Variants in CLMN observed in about 807,000 individuals in gnomAD.
The protein encoded by CLMN is calmin (calponin-like, transmembrane).
In CLMN, 57 loss-of-function variants were observed where a neutral mutation model predicts 92.7. The ratio of observed to expected loss-of-function variants is 0.61; its 90% CI spans 0.50 to 0.77. CLMN has a LOEUF of 0.77. Among genes scored for constraint, CLMN ranks in the 30% least tolerant of loss-of-function variants. The probability of loss-of-function intolerance (pLI) is 0.00; values close to 1 mark genes in which losing one functional copy is unlikely to be tolerated. For missense variants in CLMN, 1,158 were observed against 1,237.5 expected (o/e 0.94, Z 0.96); for synonymous variants, 466 against 470.6 (o/e 0.99, Z 0.13).
chr14:95,245,462 TGATGGATGGACGGATG>T (rs1273122513), intron 1 of CLMN, among the ~76,000 whole-genome samples: 67 of 149,266 alleles, frequency 4.5e-4, no homozygotes, highest in Middle Eastern at 3.5e-3. Context: ...TACAGATGCG[TGATGGATGGACGGATG>T]GATGGATGGA....
intron 7 of CLMN, 90 bp from the exon 8 acceptor site, chr14:95,209,567 A>G: frequency 1.0e-6 from 1 of 1,000,234 alleles, no homozygotes; most frequent in Non-Finnish European, 1.6e-6. Context: ...AGAATCCCAC[A>G]GATTATTGAA....
At chr14:95,263,641 TA>T (rs1370736302) in intron 1 of CLMN, among the ~76,000 whole-genome samples, 32 of 152,158 alleles carry the variant, frequency 2.1e-4, no homozygotes, top group Non-Finnish European at 4.4e-4. Context: ...ACAGGTAGCA[TA>T]ACTGGATGTT....
intron 1 of CLMN, among the ~76,000 whole-genome samples, chr14:95,315,819 A>G (rs1339169703): frequency 6.6e-6 from 1 of 152,252 alleles, no homozygotes. Context: ...CTGGGTGCCC[A>G]TGACAGTTTC....
At chr14:95,286,641 G>T (rs1900354057) in intron 1 of CLMN, among the ~76,000 whole-genome samples, 1 of 152,136 alleles carries the variant, frequency 6.6e-6, no homozygotes, top group Non-Finnish European at 1.5e-5. Flanking sequence ...TTTCGGCTCA[G>T]TTACAAAATG....
chr14:95,238,928 C>T (rs1898150803), intron 1 of CLMN, among the ~76,000 whole-genome samples: 1 of 152,142 alleles, frequency 6.6e-6, no homozygotes, highest in Admixed American at 6.5e-5. Flanking sequence ...AATTACACAC[C>T]AAATTAAGTT....
At position 95,191,968 on chromosome 14, in the gene CLMN, G is replaced by A; in HGVS notation, c.2841-236C>T. 7 of 391,394 alleles carry A rather than the reference G, an allele frequency of 1.8e-5. No homozygotes were observed. The highest frequency in any genetic ancestry group is 3.2e-5 in the Non-Finnish European group (7 of 218,904). The allele number at this position is 391,394 out of a possible 1,614,324, so 24.2% of individuals were successfully genotyped here. On this transcript the variant is annotated intron_variant, in intron 12 of 12. Coordinates refer to ENST00000298912, the MANE Select transcript of CLMN (RefSeq NM_024734.4). The surrounding 1 kb of genome is among the most constrained non-coding windows in gnomAD (Gnocchi z 5.3). ...TACTCCGTTCATCTCCATAACATCA[G>A]GTGAGAGGAGGTGGCAGCCCCATTC...
intron 1 of CLMN, among the ~76,000 whole-genome samples, chr14:95,270,887 G>A (rs1318022932): frequency 6.6e-6 from 1 of 152,100 alleles, no homozygotes; most frequent in Non-Finnish European, 1.5e-5. Flanking sequence ...TTTGAGAAAC[G>A]GACAGACTGT....
At chr14:95,305,794 G>A (rs1057160191) in intron 1 of CLMN, among the ~76,000 whole-genome samples, 6 of 152,180 alleles carry the variant, frequency 3.9e-5, no homozygotes, top group Non-Finnish European at 8.8e-5. Flanking sequence ...TGAGCATCCA[G>A]ACAGCATGAA....
At position 95,213,403 on chromosome 14, in the gene CLMN, C is replaced by T; in HGVS notation, c.424G>A (p.Glu142Lys). 6.3e-7 allele frequency: 1 copy of T among 1,599,562 alleles called. No homozygotes were observed. The highest frequency in any genetic ancestry group is 8.5e-7 in the Non-Finnish European group (1 of 1,174,494). The change falls in exon 6 of 13, where the codon GAG (glutamate) becomes AAG (lysine). Residue 142 changes from glutamate (E) to lysine (K), a missense_variant. Glu to Lys is a moderately conservative substitution (Grantham distance 56). Transcript: ENST00000298912. ...TTTCTGCTGAGGTTGCCTGTGAGCT[C>T]CTTAATCTGGAAGGAAAATGGCATT... Reference protein sequence around the residue: ...WNIILFFQIKELTGNLSRNSP... With the variant: ...WNIILFFQIKKLTGNLSRNSP...
At chr14:95,279,890 G>T (rs1283968804) in intron 1 of CLMN, among the ~76,000 whole-genome samples, 1 of 151,724 alleles carries the variant, frequency 6.6e-6, no homozygotes, top group African/African-American at 2.4e-5. Context: ...GACGACTAAA[G>T]AAACAGTTTT....
rs539400566 is a variant in CLMN at position 95,268,858 on chromosome 14, C to T, written c.83-38725G>A. Among the ~76,000 whole-genome samples, 22 of 131,704 alleles carry T rather than the reference C, an allele frequency of 1.7e-4. No homozygotes were observed. The East Asian group carries it at 1.8e-3, about 11-fold the overall frequency. The allele number at this position is 131,704 out of a possible 152,430, so 86.4% of individuals were successfully genotyped here. A position where few individuals can be genotyped will look rare whatever the true frequency, so the allele number is the denominator to read the frequency against. ...TCACTCTGTCGCCCAGGCTGGAGTGCAGTGGCACAATCTTGGCTCACTGCA... is the reference window on the plus strand; with the variant it reads ...TCACTCTGTCGCCCAGGCTGGAGTGTAGTGGCACAATCTTGGCTCACTGCA... On this transcript the variant is annotated intron_variant, in intron 1 of 12. Transcript: ENST00000298912.
intron 1 of CLMN, among the ~76,000 whole-genome samples, chr14:95,278,739 T>C (rs1476725929): frequency 6.6e-6 from 1 of 152,172 alleles, no homozygotes; most frequent in East Asian, 1.9e-4. Context: ...GATACTCTCT[T>C]TGCATATTTG....
chr14:95,295,244 G>A (rs973747700), intron 1 of CLMN, among the ~76,000 whole-genome samples: 2 of 152,348 alleles, frequency 1.3e-5, no homozygotes, highest in East Asian at 1.9e-4. Context: ...CACACAAGCT[G>A]GTTAGTTCAG....
chr14:95,207,261 A>G lies in CLMN; in HGVS notation c.885+2134T>C, dbSNP rs140845313. Among the ~76,000 whole-genome samples the G allele has an allele frequency of 2.0e-5, 3 of 152,328 alleles. No homozygotes were observed. In the East Asian group the frequency reaches 5.8e-4, roughly 29 times the overall value. ...AAAATCTTCTCTTTTAGACATTTTG[A>G]AATACACAGTATATTATTCTTTCTT... On this transcript the variant is annotated intron_variant, in intron 8 of 12. Transcript: ENST00000298912.
In CLMN at chr14:95,198,582, G is replaced by A. The variant is rs115653984; in HGVS notation, c.2512-1888C>T. ...TGCTGGGCAGGTGAGGCAGCGGACC[G>A]GAGCCAAGTGAGGCAGACGGTGTTG... On this transcript the variant is annotated intron_variant, in intron 9 of 12. Transcript: ENST00000298912. Among the ~76,000 whole-genome samples the A allele has an allele frequency of 2.4e-3, 360 of 152,120 alleles. 4 individuals are homozygous for A. The highest frequency in any genetic ancestry group is 8.1e-3 in the African/African-American group (338 of 41,536).
chr14:95,222,466 G>A (rs1051258323), intron 3 of CLMN: 7 of 429,066 alleles, frequency 1.6e-5, no homozygotes, highest in South Asian at 6.6e-5. Flanking sequence ...AGGCAAACCA[G>A]TGGGTCAGCT....
rs1244303906 is a variant in CLMN at position 95,258,312 on chromosome 14, T to TG, written c.83-28180dup. Among the ~76,000 whole-genome samples the TG allele has an allele frequency of 2.4e-3, 358 of 150,454 alleles. 3 individuals are homozygous for TG. Among genetic ancestry groups the TG allele is most frequent in the African/African-American group, 8.6e-3 (352 of 40,824 alleles). ...GGTGTGTGTGTGGTGTATGTGTGTG[T>TG]GTGGGGTGTGTGTATGTGTATGTGT... On this transcript the variant is annotated intron_variant, in intron 1 of 12. Coordinates refer to ENST00000298912, the MANE Select transcript of CLMN (RefSeq NM_024734.4).
At chr14:95,248,007 C>T (rs977225368) in intron 1 of CLMN, among the ~76,000 whole-genome samples, 2 of 151,982 alleles carry the variant, frequency 1.3e-5, no homozygotes, top group African/African-American at 4.8e-5. Flanking sequence ...TGCAACTCTG[C>T]TACTCTTAAA....
At chr14:95,205,525 T>C (rs1595565993) in intron 8 of CLMN, among the ~76,000 whole-genome samples, 1 of 152,312 alleles carries the variant, frequency 6.6e-6, no homozygotes, top group African/African-American at 2.4e-5. Flanking sequence ...GGTAAATATA[T>C]GGTCAATAGA....
Sources: allele counts gnomAD v4.1 joint callset (sites outside exome capture counted in the v4.1 genomes callset), GRCh38; gene constraint gnomAD v4.1.1; non-coding constraint Gnocchi (gnomAD v3.1); transcripts MANE v1.5; gene names NCBI Gene and HGNC (gene_info 2026-07-23, HGNC 2026-07-21).